The following ATRNL1 variants were observed in gnomAD, a reference collection of about 807,000 sequenced individuals.
The protein encoded by ATRNL1 is attractin like 1.
ATRNL1 carries 95 observed loss-of-function variants against 182.7 expected under a neutral mutation model. The ratio of observed to expected loss-of-function variants is 0.52; its 90% CI spans 0.44 to 0.62. The LOEUF (loss-of-function observed/expected upper bound fraction) is 0.62. ATRNL1 is among the 20% of genes least tolerant of loss of function. ATRNL1 has a pLI of 0.00. For synonymous variants in ATRNL1, 576 were observed against 568.3 expected, an observed-to-expected ratio of 1.01 and a Z score of -0.19; for missense variants, 1,471 against 1,679.5, an observed-to-expected ratio of 0.88 and a Z score of 2.17.
intron 26 of ATRNL1, among the ~76,000 whole-genome samples, chr10:115,720,059 C>T (rs1019117229): frequency 4.6e-5 from 7 of 151,984 alleles, no homozygotes; most frequent in African/African-American, 1.4e-4. Context: ...GACAGAGTTT[C>T]GTCATGTTGG....
At chr10:115,216,916 T>C (rs552572356) in intron 9 of ATRNL1, among the ~76,000 whole-genome samples, 8 of 152,130 alleles carry the variant, frequency 5.3e-5, no homozygotes, top group African/African-American at 1.9e-4. Context: ...GTAGTTTTAT[T>C]CTTTATATTT....
chr10:115,396,905 A>T (rs910549481), intron 20 of ATRNL1, among the ~76,000 whole-genome samples: 1 of 151,964 alleles, frequency 6.6e-6, no homozygotes, highest in African/African-American at 2.4e-5. Context: ...AAAATCAATC[A>T]TATAGTTCTT....
chr10:115,862,160 T>G (rs1271928172), intron 28 of ATRNL1, among the ~76,000 whole-genome samples: 2 of 152,198 alleles, frequency 1.3e-5, no homozygotes, highest in Non-Finnish European at 2.9e-5. Context: ...ACAGTTGTTC[T>G]TTAAGACTGA....
chr10:115,722,001 C>A (rs1333745070), intron 26 of ATRNL1, among the ~76,000 whole-genome samples: 1 of 152,052 alleles, frequency 6.6e-6, no homozygotes. Context: ...GAAAAAATAA[C>A]TAATCTTAAG....
intron 27 of ATRNL1, among the ~76,000 whole-genome samples, chr10:115,839,270 G>A (rs1950748722): frequency 6.6e-6 from 1 of 152,128 alleles, no homozygotes. Context: ...GAGGGATGAT[G>A]CGCACATCTT....
intron 8 of ATRNL1, among the ~76,000 whole-genome samples, chr10:115,202,830 T>C (rs1159718065): frequency 2.0e-5 from 3 of 147,846 alleles, no homozygotes; most frequent in African/African-American, 7.6e-5. Flanking sequence ...CTTGTACCTC[T>C]GGTAGAATTC....
intron 1 of ATRNL1, among the ~76,000 whole-genome samples, chr10:115,104,795 G>A (rs1275953427): frequency 6.6e-6 from 1 of 152,096 alleles, no homozygotes; most frequent in Non-Finnish European, 1.5e-5. Flanking sequence ...AATTTATTGA[G>A]GAGACTGTTA....
chr10:115,325,002 T>G (rs974830282), intron 18 of ATRNL1, among the ~76,000 whole-genome samples: 2 of 152,234 alleles, frequency 1.3e-5, no homozygotes, highest in East Asian at 1.9e-4. Context: ...ATTTTTGTCT[T>G]AAATTTCTGT....
chr10:115,618,994 G>A (rs1857579100), intron 26 of ATRNL1, among the ~76,000 whole-genome samples: 1 of 152,132 alleles, frequency 6.6e-6, no homozygotes, highest in South Asian at 2.1e-4. Context: ...TCCTTTAGAT[G>A]TATTTATAGT....
At chr10:115,853,035 C>G (rs145311777) in intron 28 of ATRNL1, among the ~76,000 whole-genome samples, 1 of 152,116 alleles carries the variant, frequency 6.6e-6, no homozygotes, top group Non-Finnish European at 1.5e-5. Flanking sequence ...CTTTCAGTCT[C>G]TGGGTCTTCT....
chr10:115,722,717 T>C (rs1947467924), intron 26 of ATRNL1, among the ~76,000 whole-genome samples: 1 of 152,184 alleles, frequency 6.6e-6, no homozygotes, highest in Admixed American at 6.5e-5. Context: ...ATATAATTGC[T>C]GTTAGAAATA....
At chr10:115,152,086 T>C (rs1446791841) in intron 5 of ATRNL1, among the ~76,000 whole-genome samples, 5 of 152,196 alleles carry the variant, frequency 3.3e-5, no homozygotes, top group African/African-American at 1.2e-4. Flanking sequence ...TCTGTTTTGG[T>C]ACCTGTACCA....
chr10:115,227,195 G>A (rs1274184637), intron 9 of ATRNL1, among the ~76,000 whole-genome samples: 3 of 151,904 alleles, frequency 2.0e-5, no homozygotes, highest in Admixed American at 1.3e-4. Flanking sequence ...CCTAATATCC[G>A]GAATCTGTAG....
intron 24 of ATRNL1, among the ~76,000 whole-genome samples, chr10:115,481,322 T>G (rs1848754846): frequency 6.6e-6 from 1 of 150,766 alleles, no homozygotes; most frequent in African/African-American, 2.4e-5. Flanking sequence ...GTGATGAATA[T>G]CTTTGTGTGC....
Position 115,842,004 on chromosome 10 carries a change from GC to G in ATRNL1, c.3904-5872del, listed in dbSNP as rs1308861314. 2.5e-4 allele frequency among the ~76,000 whole-genome samples: 21 copies of G among 82,762 alleles called. No individual in the cohort carries two copies. The East Asian group carries it at 6.9e-3, about 27-fold the overall frequency. The allele number at this position is 82,762 out of a possible 152,430, so 54.3% of individuals were successfully genotyped here. On this transcript the variant is annotated intron_variant, in intron 27 of 28. Transcript: ENST00000355044. ...AAGCTGCAAATACCACATCATGCAA[GC>G]TGTTGAAAAAGACTCATTTTTATTT...
intron 1 of ATRNL1, among the ~76,000 whole-genome samples, chr10:115,113,351 CT>C (rs1334343935): frequency 6.6e-6 from 1 of 152,162 alleles, no homozygotes; most frequent in Non-Finnish European, 1.5e-5. Context: ...GTGAGAGTTT[CT>C]ATGGAAAATC....
At chr10:115,441,854 C>T (rs1244984645) in intron 21 of ATRNL1, among the ~76,000 whole-genome samples, 5 of 151,820 alleles carry the variant, frequency 3.3e-5, no homozygotes, top group African/African-American at 9.7e-5. Flanking sequence ...TTTGAGCCCC[C>T]CTCTCTGATA....
At chr10:115,880,840 G>A (rs1215973011) in intron 28 of ATRNL1, among the ~76,000 whole-genome samples, 1 of 152,140 alleles carries the variant, frequency 6.6e-6, no homozygotes, top group Non-Finnish European at 1.5e-5. Context: ...TAATCAATGA[G>A]GTTTGAAAGG....
chr10:115,679,319 G>GT lies in ATRNL1; in HGVS notation c.3796-47919dup, dbSNP rs376513964. Among the ~76,000 whole-genome samples the GT allele has an allele frequency of 2.2e-3, 320 of 148,690 alleles. 4 individuals are homozygous for GT. The highest frequency in any genetic ancestry group is 2.9e-3 in the African/African-American group (117 of 40,624). Reference sequence around the variant, plus strand: ...TTTTGTTTGTTTGGTTGGTTGGTTGGTTTTTTTTTTAATTCCAGGTTTGTT... The same window carrying GT: ...TTTTGTTTGTTTGGTTGGTTGGTTGGTTTTTTTTTTTAATTCCAGGTTTGTT... On this transcript the variant is annotated intron_variant, in intron 26 of 28. Transcript: ENST00000355044.
Sources: gnomAD v4.1 joint callset for allele counts (sites outside exome capture counted in the v4.1 genomes callset) on GRCh38, gnomAD v4.1.1 for gene constraint, MANE v1.5 for transcripts, NCBI Gene and HGNC (gene_info 2026-07-23, HGNC 2026-07-21) for gene names.